PELP1: variants seen among roughly 807,000 people sequenced by gnomAD.
PELP1 encodes proline, glutamate and leucine rich protein 1, also known as proline-, glutamic acid- and leucine-rich protein 1.
A neutral mutation model predicts 95.5 loss-of-function variants in PELP1; 32 were observed. The observed-to-expected ratio is 0.34, with a 90% CI of 0.25 to 0.45. The LOEUF is 0.45. PELP1 is among the 20% of genes least tolerant of loss of function. The pLI, the probability that PELP1 is intolerant of heterozygous loss-of-function variation, is 1.00. For missense variants in PELP1, 1,358 were observed against 1,444.8 expected (o/e 0.94, Z 0.97); for synonymous variants, 668 against 600.1 (o/e 1.11, Z -1.65).
intron 1 of PELP1, among the ~76,000 whole-genome samples, chr17:4,698,347 A>G (rs1378646847): frequency 6.6e-6 from 1 of 152,136 alleles, no homozygotes; most frequent in Non-Finnish European, 1.5e-5. Flanking sequence ...AAGAGACATT[A>G]TAACTAAAAG....
chr17:4,692,429 T>C (rs1408248370), intron 1 of PELP1, among the ~76,000 whole-genome samples: 5 of 150,336 alleles, frequency 3.3e-5, no homozygotes. Flanking sequence ...ATCATGCCAC[T>C]GCACTCCAGC....
chr17:4,671,711 CCT>C lies in PELP1; in HGVS notation c.3278_3279del (p.Glu1093GlyfsTer11). 1.3e-6 allele frequency: 2 copies of C among 1,558,302 alleles called. No homozygotes were observed. Among genetic ancestry groups the C allele is most frequent in the Non-Finnish European group, 1.7e-6 (2 of 1,157,448 alleles). Reference protein sequence around the residue: ...PAEEEMETETEAEALQEKEQD... With the variant: ...PAEEEMETETXAEALQEKEQD... ...CTCACCTTTTCCTGGAGAGCTTCGG[CCT>C]CTGTCTCTGTCTCCATCTCTTCTTC... On this transcript the variant is annotated frameshift_variant, in exon 16 of 17. Coordinates refer to ENST00000572293, the MANE Select transcript of PELP1 (RefSeq NM_014389.3). LOFTEE classifies it high-confidence loss of function.
intron 3 of PELP1, among the ~76,000 whole-genome samples, chr17:4,683,746 G>T (rs1447583578): frequency 3.5e-5 from 5 of 141,998 alleles, no homozygotes; most frequent in Admixed American, 1.5e-4. Flanking sequence ...GGCCAGGCTG[G>T]TCTTGAACTC....
intron 5 of PELP1, among the ~76,000 whole-genome samples, chr17:4,677,881 A>T (rs972229981): frequency 6.7e-6 from 1 of 149,092 alleles, no homozygotes; most frequent in Non-Finnish European, 1.5e-5. Flanking sequence ...CAGTCAGTGT[A>T]CTCTAGCCTG....
intron 1 of PELP1, among the ~76,000 whole-genome samples, 165 bp downstream of exon 1, chr17:4,703,698 G>A (rs1913643347): frequency 6.6e-6 from 1 of 152,302 alleles, no homozygotes; most frequent in South Asian, 2.1e-4. Context: ...GCCGATAAAG[G>A]AGAAATACGT....
intron 3 of PELP1, 54 bp downstream of exon 3, chr17:4,690,834 A>G (rs1913071550): frequency 9.0e-7 from 1 of 1,114,332 alleles, no homozygotes. Context: ...CACATCCAAG[A>G]TGGGGAATAA....
intron 6 of PELP1, 69 bp from the exon 7 acceptor site, chr17:4,676,576 T>G: frequency 1.3e-6 from 2 of 1,572,748 alleles, no homozygotes; most frequent in South Asian, 1.1e-5. Flanking sequence ...CCAGCCCCAC[T>G]GACACCCAAA....
chr17:4,686,995 T>G (rs1012379254), intron 3 of PELP1, among the ~76,000 whole-genome samples: 4 of 152,184 alleles, frequency 2.6e-5, no homozygotes, highest in Admixed American at 6.6e-5. Flanking sequence ...TCTAGCCACA[T>G]GCTGGAATTC....
chr17:4,686,840 C>T (rs1912924302), intron 3 of PELP1, among the ~76,000 whole-genome samples: 1 of 152,008 alleles, frequency 6.6e-6, no homozygotes, highest in Non-Finnish European at 1.5e-5. Flanking sequence ...TTTCAATCAC[C>T]ACCACCACCT....
At position 4,673,340 on chromosome 17, in the gene PELP1, C is replaced by A; in HGVS notation, c.1755G>T (p.Ala585=). The A allele has an allele frequency of 1.9e-6, 3 of 1,593,906 alleles. No individual in the cohort carries two copies. Among genetic ancestry groups the A allele is most frequent in the Non-Finnish European group, 2.6e-6 (3 of 1,170,470 alleles). Residue 585 remains alanine (A), a synonymous_variant, in exon 15 of 17, where the codon GCG becomes GCT. Transcript: ENST00000572293. The surrounding 1 kb of genome is among the most constrained non-coding windows in gnomAD (Gnocchi z 5.7). ...CRRELYCLLL[A]LLLAPSPRCP... Reference sequence around the variant, plus strand: ...AGCGAGGAGACGGGGCCAGCAGCAGCGCCAGCAGCAGGCAGTAGAGTTCAC... The same window carrying A: ...AGCGAGGAGACGGGGCCAGCAGCAGAGCCAGCAGCAGGCAGTAGAGTTCAC...
At chr17:4,678,041 C>T (rs1912556314) in intron 5 of PELP1, among the ~76,000 whole-genome samples, 1 of 152,002 alleles carries the variant, frequency 6.6e-6, no homozygotes, top group Non-Finnish European at 1.5e-5. Flanking sequence ...TGGTGAAACC[C>T]CATCTCTACT....
chr17:4,687,311 A>C (rs1213461482), intron 3 of PELP1, among the ~76,000 whole-genome samples: 1 of 152,130 alleles, frequency 6.6e-6, no homozygotes, highest in African/African-American at 2.4e-5. Flanking sequence ...CTGGGAGGCC[A>C]AGGTGGGCAG....
At chr17:4,688,612 A>G (rs973032930) in intron 3 of PELP1, among the ~76,000 whole-genome samples, 3 of 152,214 alleles carry the variant, frequency 2.0e-5, no homozygotes, top group African/African-American at 7.2e-5. Context: ...AAAAAATAAA[A>G]TAAAATACTT....
chr17:4,683,473 C>T (rs960304127), intron 3 of PELP1, among the ~76,000 whole-genome samples: 2 of 150,542 alleles, frequency 1.3e-5, no homozygotes, highest in South Asian at 2.1e-4. Context: ...CCCGCCTTGG[C>T]CTCCCAAAGT....
intron 1 of PELP1, among the ~76,000 whole-genome samples, chr17:4,696,046 A>G (rs1913284752): frequency 6.8e-6 from 1 of 146,342 alleles, no homozygotes; most frequent in East Asian, 2.0e-4. Context: ...AAAAAAAAAA[A>G]CAGGCTGGGC....
chr17:4,688,625 G>C (rs1357673115), intron 3 of PELP1, among the ~76,000 whole-genome samples: 2 of 152,060 alleles, frequency 1.3e-5, no homozygotes, highest in Non-Finnish European at 2.9e-5. Flanking sequence ...AAATACTTAG[G>C]AATACACCTA....
In PELP1 at chr17:4,674,795, T is replaced by G; in HGVS notation, c.1422+14A>C. Reference sequence around the variant, plus strand: ...CACAGGATGAGTCCTAAGGCGGAGCTGAGGCCTCCTCACCTTAAGGGCATC... The same window carrying G: ...CACAGGATGAGTCCTAAGGCGGAGCGGAGGCCTCCTCACCTTAAGGGCATC... On this transcript the variant is annotated intron_variant, in intron 12 of 16. Coordinates refer to ENST00000572293, the MANE Select transcript of PELP1 (RefSeq NM_014389.3). 2.5e-6 allele frequency: 4 copies of G among 1,605,460 alleles called. No individual in the cohort carries two copies. Among genetic ancestry groups the G allele is most frequent in the Non-Finnish European group, 3.4e-6 (4 of 1,174,558 alleles).
chr17:4,670,021 T>C lies in PELP1; in HGVS notation c.*1418A>G, dbSNP rs1282057967. The C allele has an allele frequency of 1.3e-5, 2 of 152,218 alleles. No individual in the cohort carries two copies. The highest frequency in any genetic ancestry group is 2.9e-5 in the Non-Finnish European group (2 of 68,026). The allele number at this position is 152,218 out of a possible 1,614,324, so 9.4% of individuals were successfully genotyped here. A position where few individuals can be genotyped will look rare whatever the true frequency, so the allele number is the denominator to read the frequency against. On this transcript the variant is annotated 3_prime_UTR_variant, in exon 17 of 17. Transcript: ENST00000572293. ...GACAGATATATGGGTGTAATATAGA[T>C]ACATGTCTACATGTAGATACGCAGT...
At chr17:4,683,354 G>A (rs1293942004) in intron 3 of PELP1, among the ~76,000 whole-genome samples, 10 of 151,500 alleles carry the variant, frequency 6.6e-5, no homozygotes, top group East Asian at 3.9e-4. Context: ...CCGAGTAGCT[G>A]AGACTACAAG....
Sources: gnomAD v4.1 joint callset for allele counts (sites outside exome capture counted in the v4.1 genomes callset) on GRCh38, gnomAD v4.1.1 for gene constraint, Gnocchi (gnomAD v3.1) non-coding constraint, MANE v1.5 for transcripts, NCBI Gene and HGNC (gene_info 2026-07-23, HGNC 2026-07-21) for gene names.